Variants in ERBB4 observed in about 807,000 individuals in gnomAD.
The protein encoded by ERBB4 is erb-b2 receptor tyrosine kinase 4.
ERBB4 carries 42 observed loss-of-function variants against 158.0 expected under a neutral mutation model. The observed-to-expected ratio is 0.27, with a 90% CI of 0.21 to 0.34. The LOEUF is 0.34. Among genes scored for constraint, ERBB4 ranks in the 10% least tolerant of loss-of-function variants. The pLI, the probability that ERBB4 is intolerant of heterozygous loss-of-function variation, is 1.00. For synonymous variants in ERBB4, 583 were observed against 558.7 expected (o/e 1.04, Z -0.61); for missense variants, 1,333 against 1,624.1 (o/e 0.82, Z 3.08).
chr2:212,417,765 A>C (rs1271544746), intron 1 of ERBB4, among the ~76,000 whole-genome samples: 3 of 152,042 alleles, frequency 2.0e-5, no homozygotes, highest in Non-Finnish European at 4.4e-5. Flanking sequence ...CAGATCCTTC[A>C]TAAGAAATAA....
intron 19 of ERBB4, among the ~76,000 whole-genome samples, chr2:211,604,922 A>C (rs1356863033): frequency 2.0e-5 from 3 of 152,202 alleles, no homozygotes; most frequent in Non-Finnish European, 4.4e-5. Context: ...CTAATGTGAA[A>C]AAAAGACATG....
intron 1 of ERBB4, among the ~76,000 whole-genome samples, chr2:212,367,367 G>A (rs1303633339): frequency 1.1e-4 from 16 of 151,980 alleles, no homozygotes; most frequent in Non-Finnish European, 2.4e-4. Context: ...AATGGCGCTG[G>A]GATAATTGGC....
intron 1 of ERBB4, among the ~76,000 whole-genome samples, chr2:212,522,892 C>T (rs757291907): frequency 5.3e-5 from 8 of 151,950 alleles, no homozygotes; most frequent in South Asian, 2.1e-4. Flanking sequence ...GTACCAGCAA[C>T]GGGCTTGGTG....
rs200877976 is a variant in ERBB4, at chr2:212,538,504, G to A, written c.27C>T (p.Val9=). The A allele has an allele frequency of 6.2e-7, 1 of 1,614,106 alleles. No individual in the cohort carries two copies. Among genetic ancestry groups the A allele is most frequent in the Non-Finnish European group, 8.5e-7 (1 of 1,179,948 alleles). Residue 9 remains valine, a synonymous_variant, in exon 1 of 28, where the codon GTC becomes GTT. Transcript: ENST00000342788. ...CCGCCGCCACGAGAAGGCTCACCCAGACCCAAAGTCCTGTCGCCGGCTTCA... is the reference window on the plus strand; with the variant it reads ...CCGCCGCCACGAGAAGGCTCACCCAAACCCAAAGTCCTGTCGCCGGCTTCA... The part of the protein sequence containing the change: MKPATGLW[V]WVSLLVAAGT...
intron 1 of ERBB4, among the ~76,000 whole-genome samples, chr2:212,249,988 A>C (rs907354644): frequency 6.6e-6 from 1 of 151,998 alleles, no homozygotes; most frequent in Non-Finnish European, 1.5e-5. Context: ...TACCCACCTG[A>C]TACCGTGTAT....
intron 12 of ERBB4, among the ~76,000 whole-genome samples, chr2:211,694,447 G>A (rs2072933707): frequency 1.3e-5 from 2 of 152,030 alleles, no homozygotes; most frequent in Admixed American, 6.6e-5. Flanking sequence ...TAGCTAATTG[G>A]CAAGAGTAAC....
chr2:211,875,659 A>G (rs1408610684), intron 3 of ERBB4, among the ~76,000 whole-genome samples: 1 of 152,172 alleles, frequency 6.6e-6, no homozygotes, highest in Non-Finnish European at 1.5e-5. Context: ...TGCAGTGTTT[A>G]TAAAGTATAC....
At chr2:212,469,506 A>T (rs1689008536) in intron 1 of ERBB4, among the ~76,000 whole-genome samples, 1 of 152,184 alleles carries the variant, frequency 6.6e-6, no homozygotes, top group Admixed American at 6.6e-5. Flanking sequence ...GTTCAGAGAA[A>T]TGTGATTGTC....
intron 2 of ERBB4, among the ~76,000 whole-genome samples, chr2:211,992,457 A>T (rs2082096759): frequency 6.6e-6 from 1 of 151,898 alleles, no homozygotes; most frequent in Non-Finnish European, 1.5e-5. Flanking sequence ...TCTGGAAGAC[A>T]CAATTCAAGT....
At chr2:211,663,701 A>G (rs1340141068) in intron 15 of ERBB4, among the ~76,000 whole-genome samples, 1 of 152,150 alleles carries the variant, frequency 6.6e-6, no homozygotes, top group Non-Finnish European at 1.5e-5. Flanking sequence ...TAATGGCCTC[A>G]TTGTAATTAG....
At position 212,228,396 on chromosome 2, in the gene ERBB4, T is replaced by C. The variant is rs184710305; in HGVS notation, c.83-103493A>G. 4.5e-4 allele frequency among the ~76,000 whole-genome samples: 68 copies of C among 152,306 alleles called. 1 individual carries two copies. Among genetic ancestry groups the C allele is most frequent in the Admixed American group, 9.2e-4 (14 of 15,278 alleles). ...ACCCTGTATACACAGTATTGAGTTA[T>C]GATATATCTTAGAGTACAATACCAT... On this transcript the variant is annotated intron_variant, in intron 1 of 27. Transcript: ENST00000342788.
At chr2:211,671,181 G>T (rs1324454186) in intron 14 of ERBB4, among the ~76,000 whole-genome samples, 4 of 152,022 alleles carry the variant, frequency 2.6e-5, no homozygotes, top group Admixed American at 2.0e-4. Context: ...TCATTATACA[G>T]TATACAATAG....
intron 2 of ERBB4, among the ~76,000 whole-genome samples, chr2:212,020,317 A>G (rs2076621318): frequency 6.6e-6 from 1 of 152,116 alleles, no homozygotes; most frequent in South Asian, 2.1e-4. Context: ...AGAACTTATC[A>G]TATATAGAGG....
chr2:212,167,758 C>G (rs996719050), intron 1 of ERBB4, among the ~76,000 whole-genome samples: 3 of 151,984 alleles, frequency 2.0e-5, no homozygotes, highest in African/African-American at 7.2e-5. Flanking sequence ...TACTATGCAG[C>G]CATAAAAAAG....
At chr2:211,523,444 G>A (rs560059184) in intron 20 of ERBB4, among the ~76,000 whole-genome samples, 35 of 151,426 alleles carry the variant, frequency 2.3e-4, no homozygotes, top group South Asian at 1.3e-3. Flanking sequence ...AGAATGAAGC[G>A]GTGGACCCTT....
rs115210641 is a variant in ERBB4, at chr2:212,423,424, T to C, written c.82+115025A>G. On this transcript the variant is annotated intron_variant, in intron 1 of 27. Coordinates refer to ENST00000342788, the MANE Select transcript of ERBB4 (RefSeq NM_005235.3). ...CCATGTATAGAGGTTCAACTAGTAA[T>C]GTCAAGAGTTGGTAACCATTGGCAA... Among the ~76,000 whole-genome samples, 1,051 of 152,292 alleles carry C rather than the reference T, an allele frequency of 6.9e-3. 7 individuals carry two copies. The highest frequency in any genetic ancestry group is 0.012 in the Non-Finnish European group (802 of 68,010).
intron 1 of ERBB4, among the ~76,000 whole-genome samples, chr2:212,338,640 C>A (rs774593386): frequency 2.0e-5 from 3 of 152,156 alleles, no homozygotes; most frequent in Non-Finnish European, 2.9e-5. Flanking sequence ...CTACACAACT[C>A]ATTGACAAGT....
In ERBB4 at chr2:212,162,622, C is replaced by G. The variant is rs189530628; in HGVS notation, c.83-37719G>C. On this transcript the variant is annotated intron_variant, in intron 1 of 27. Transcript: ENST00000342788. ...TGAACTTTATTTAGTAGTATGCAAG[C>G]TAATGTATTTCTACATTTCTGATTT... is the stretch of plus-strand genomic sequence containing the variant. 6.8e-4 allele frequency among the ~76,000 whole-genome samples: 103 copies of G among 151,884 alleles called. No individual in the cohort carries two copies. The Middle Eastern group carries it at 0.017, about 25-fold the overall frequency.
intron 20 of ERBB4, among the ~76,000 whole-genome samples, chr2:211,486,300 G>T (rs2065203293): frequency 6.6e-6 from 1 of 151,984 alleles, no homozygotes; most frequent in South Asian, 2.1e-4. Context: ...TAATAAATGA[G>T]AAACAATATT....
Sources: allele counts gnomAD v4.1 joint callset (sites outside exome capture counted in the v4.1 genomes callset), GRCh38; gene constraint gnomAD v4.1.1; transcripts MANE v1.5; gene names NCBI Gene and HGNC (gene_info 2026-07-23, HGNC 2026-07-21).